SYN3: variants seen among roughly 807,000 people sequenced by gnomAD.
SYN3 encodes synapsin-3.
In SYN3, 35 loss-of-function variants were observed where a neutral mutation model predicts 65.8. That is an observed-to-expected ratio of 0.53 (90% confidence interval 0.41 to 0.70). The LOEUF (loss-of-function observed/expected upper bound fraction) is 0.70. Among genes scored for constraint, SYN3 ranks in the 30% least tolerant of loss-of-function variants. The pLI, the probability that SYN3 is intolerant of heterozygous loss-of-function variation, is 0.00. For missense variants in SYN3, 680 were observed against 749.0 expected (o/e 0.91, Z 1.08); for synonymous variants, 270 against 292.9 (o/e 0.92, Z 0.80).
intron 6 of SYN3, among the ~76,000 whole-genome samples, chr22:32,782,490 C>T (rs1244991064): frequency 6.6e-6 from 1 of 151,542 alleles, no homozygotes; most frequent in East Asian, 1.9e-4. Flanking sequence ...GTAAGATCTA[C>T]CACGCCTGGC....
intron 2 of SYN3, among the ~76,000 whole-genome samples, chr22:32,985,937 C>T (rs1421367422): frequency 2.6e-5 from 4 of 152,014 alleles, no homozygotes; most frequent in African/African-American, 9.7e-5. Context: ...CTGGGCTGAG[C>T]GTCCTCCCTT....
chr22:32,537,856 A>C (rs1386456071), intron 9 of SYN3, among the ~76,000 whole-genome samples, 180 bp downstream of exon 9: 1 of 152,196 alleles, frequency 6.6e-6, no homozygotes, highest in Non-Finnish European at 1.5e-5. Context: ...GGGTTATTTT[A>C]ATACCTGCCC....
intron 7 of SYN3, among the ~76,000 whole-genome samples, chr22:32,585,170 G>C (rs1384247752): frequency 6.6e-6 from 1 of 152,200 alleles, no homozygotes; most frequent in Non-Finnish European, 1.5e-5. Context: ...TGGTGTACGG[G>C]CACTTGGGAA....
At chr22:33,036,891 A>T (rs1244193815) in intron 1 of SYN3, among the ~76,000 whole-genome samples, 1 of 151,910 alleles carries the variant, frequency 6.6e-6, no homozygotes, top group Non-Finnish European at 1.5e-5. Context: ...GGGTTTCTCC[A>T]TGTCGGTCAG....
At position 32,888,132 on chromosome 22, in the gene SYN3, C is replaced by T. The variant is rs564110466; in HGVS notation, c.462-19007G>A. ...GCTATTTTTGGATATCTGCTTCTGT[C>T]GAGTGGCTATTTGAGTCTCAAGATA... On this transcript the variant is annotated intron_variant, in intron 4 of 13. Coordinates refer to ENST00000358763, the MANE Select transcript of SYN3 (RefSeq NM_003490.4). Among the ~76,000 whole-genome samples the T allele has an allele frequency of 1.1e-4, 16 of 152,150 alleles. No homozygotes were observed. The South Asian group carries it at 3.1e-3, about 30-fold the overall frequency.
At chr22:32,550,906 G>C (rs566797796) in intron 7 of SYN3, among the ~76,000 whole-genome samples, 1 of 152,208 alleles carries the variant, frequency 6.6e-6, no homozygotes, top group African/African-American at 2.4e-5. Flanking sequence ...CAACTCAAAA[G>C]GGCTCCCATT....
At chr22:32,778,724 G>A (rs1028783583) in intron 6 of SYN3, among the ~76,000 whole-genome samples, 3 of 152,164 alleles carry the variant, frequency 2.0e-5, no homozygotes, top group Non-Finnish European at 2.9e-5. Context: ...CAGCGTCACC[G>A]AAGAAAGTGC....
At chr22:33,002,323 T>C (rs910826718) in intron 2 of SYN3, among the ~76,000 whole-genome samples, 19 of 152,200 alleles carry the variant, frequency 1.2e-4, no homozygotes, top group Admixed American at 1.2e-3. Flanking sequence ...TACTTTAATG[T>C]TGACTTTACA....
intron 6 of SYN3, among the ~76,000 whole-genome samples, chr22:32,826,257 CA>C (rs2146096361): frequency 6.6e-6 from 1 of 152,102 alleles, no homozygotes; most frequent in Non-Finnish European, 1.5e-5. Flanking sequence ...GGTGAAACTC[CA>C]TCTCTACTAA....
intron 6 of SYN3, among the ~76,000 whole-genome samples, chr22:32,778,780 T>A (rs8142758): frequency 6.6e-6 from 1 of 152,102 alleles, no homozygotes; most frequent in Non-Finnish European, 1.5e-5. Context: ...GAAGACAACC[T>A]TCAACATACC....
In SYN3 at chr22:32,664,977, T is replaced by C. The variant is rs1164779286; in HGVS notation, c.712-68241A>G. On this transcript the variant is annotated intron_variant, in intron 6 of 13. Coordinates refer to ENST00000358763, the MANE Select transcript of SYN3 (RefSeq NM_003490.4). The stretch of plus-strand genomic sequence containing the variant: ...CCTCCCGAATCCCCAAAGTCCATTG[T>C]ATAATGTATAATTCTTTTTTTTTTT... 6.1e-5 allele frequency among the ~76,000 whole-genome samples: 9 copies of C among 148,334 alleles called. No homozygotes were observed. The Admixed American group carries it at 6.2e-4, about 10-fold the overall frequency.
Position 32,644,078 on chromosome 22 carries a change from A to G in SYN3, c.712-47342T>C, listed in dbSNP as rs1022164985. ...GGGCAAGCGAGACTCTGCCTCAAAAAAAAAAAAAAAAAAAAAAAAAAAAAG... is the reference window on the plus strand; with the variant it reads ...GGGCAAGCGAGACTCTGCCTCAAAAGAAAAAAAAAAAAAAAAAAAAAAAAG... On this transcript the variant is annotated intron_variant, in intron 6 of 13. Coordinates refer to ENST00000358763, the MANE Select transcript of SYN3 (RefSeq NM_003490.4). 4.3e-4 allele frequency among the ~76,000 whole-genome samples: 23 copies of G among 53,180 alleles called. No individual in the cohort carries two copies. The East Asian group carries it at 0.036, about 83-fold the overall frequency. 34.9% of individuals were successfully genotyped at this position (53,180 alleles called of 152,430 possible). A position where few individuals can be genotyped will look rare whatever the true frequency, so the allele number is the denominator to read the frequency against.
At chr22:33,020,078 A>C (rs749209927) in intron 1 of SYN3, among the ~76,000 whole-genome samples, 1 of 152,198 alleles carries the variant, frequency 6.6e-6, no homozygotes, top group Non-Finnish European at 1.5e-5. Flanking sequence ...ACCATCCCTG[A>C]GAGTCATTAA....
intron 6 of SYN3, among the ~76,000 whole-genome samples, chr22:32,708,872 G>T (rs556800919): frequency 1.1e-4 from 16 of 152,234 alleles, no homozygotes; most frequent in Non-Finnish European, 2.1e-4. Flanking sequence ...CCTGGCGTGG[G>T]ATGCATGATG....
At chr22:32,565,455 A>G (rs2058659872) in intron 7 of SYN3, among the ~76,000 whole-genome samples, 1 of 151,586 alleles carries the variant, frequency 6.6e-6, no homozygotes, top group Non-Finnish European at 1.5e-5. Context: ...ACATATACAT[A>G]TAAAATAGTT....
Position 32,869,065 on chromosome 22 carries a change from C to A in SYN3, c.522G>T (p.Gly174=). The A allele has an allele frequency of 6.2e-7, 1 of 1,614,080 alleles. No homozygotes were observed. Among genetic ancestry groups the A allele is most frequent in the African/African-American group, 1.3e-5 (1 of 75,042 alleles). ...VRQHAYSMAL[G]EDYRSLVIGL... ...CGATGACCAGGCTGCGGTAGTCTTC[C>A]CCCAGGGCCATGCTGTAGGCATGCT... Residue 174 remains glycine (G), a synonymous_variant, in exon 5 of 14, where the codon GGG becomes GGT. Coordinates refer to ENST00000358763, the MANE Select transcript of SYN3 (RefSeq NM_003490.4).
chr22:32,972,061 C>T (rs1282907929), intron 3 of SYN3, among the ~76,000 whole-genome samples: 2 of 152,162 alleles, frequency 1.3e-5, no homozygotes, highest in African/African-American at 4.8e-5. Flanking sequence ...AGAGGCAGCT[C>T]TCCTCATCTG....
chr22:32,577,237 T>A (rs1188180688), intron 7 of SYN3, among the ~76,000 whole-genome samples: 1 of 152,188 alleles, frequency 6.6e-6, no homozygotes, highest in Non-Finnish European at 1.5e-5. Context: ...TGTGTGTAGG[T>A]CCTGCTGTGT....
chr22:32,646,713 G>A (rs1199243709), intron 6 of SYN3, among the ~76,000 whole-genome samples: 1 of 152,182 alleles, frequency 6.6e-6, no homozygotes, highest in East Asian at 1.9e-4. Flanking sequence ...CAAGGATTGA[G>A]GCACTTCTGA....
Sources: allele counts gnomAD v4.1 joint callset (sites outside exome capture counted in the v4.1 genomes callset), GRCh38; gene constraint gnomAD v4.1.1; transcripts MANE v1.5; gene names NCBI Gene and HGNC (gene_info 2026-07-23, HGNC 2026-07-21).